The following C4orf50 variants were observed in gnomAD, a reference collection of about 807,000 sequenced individuals.
The protein encoded by C4orf50 is chromosome 4 open reading frame 50.
Under a neutral mutation model 77.2 loss-of-function variants are expected in C4orf50, and 80 were observed. That is an observed-to-expected ratio of 1.04 (90% CI 0.87 to 1.25). The LOEUF (loss-of-function observed/expected upper bound fraction) is 1.25, where lower values mean the gene tolerates loss of function less well. Ranked by LOEUF, C4orf50 falls within the 50% of genes most tolerant of loss-of-function variation. The probability of loss-of-function intolerance (pLI) is 0.00; values close to 1 mark genes in which losing one functional copy is unlikely to be tolerated. For missense variants in C4orf50, 1,257 were observed against 1,152.9 expected (o/e 1.09, Z -1.31); for synonymous variants, 532 against 465.3 (o/e 1.14, Z -1.84).
intron 31 of C4orf50, among the ~76,000 whole-genome samples, chr4:5,968,181 G>T (rs1719695519): frequency 6.6e-6 from 1 of 152,180 alleles, no homozygotes; most frequent in Non-Finnish European, 1.5e-5. Context: ...GTCTGAAAGG[G>T]CTCTGCTCTC....
intron 28 of C4orf50, among the ~76,000 whole-genome samples, chr4:5,980,660 A>G (rs1720533821): frequency 6.6e-6 from 1 of 152,086 alleles, no homozygotes; most frequent in Admixed American, 6.6e-5. Flanking sequence ...GAGTCCCAGA[A>G]TAACAGCCTG....
At chr4:5,925,721 C>T (rs1717485080) in intron 7 of C4orf50, among the ~76,000 whole-genome samples, 1 of 152,220 alleles carries the variant, frequency 6.6e-6, no homozygotes, top group African/African-American at 2.4e-5. Flanking sequence ...TTGGGGGGCC[C>T]ACAGTCTGGT....
intron 25 of C4orf50, among the ~76,000 whole-genome samples, chr4:6,003,611 G>C (rs1419821400): frequency 1.4e-5 from 2 of 147,522 alleles, no homozygotes; most frequent in African/African-American, 2.6e-5. Context: ...TGATGGTGAT[G>C]ATGGTGATGG....
intron 25 of C4orf50, among the ~76,000 whole-genome samples, chr4:5,996,117 A>T (rs1412502512): frequency 6.6e-6 from 1 of 152,028 alleles, no homozygotes; most frequent in East Asian, 1.9e-4. Context: ...CCTTGTTCCC[A>T]CCTCTGCAGC....
intron 31 of C4orf50, among the ~76,000 whole-genome samples, chr4:5,969,808 T>C (rs1719796558): frequency 6.6e-6 from 1 of 152,106 alleles, no homozygotes; most frequent in Admixed American, 6.5e-5. Flanking sequence ...AATCAGGATG[T>C]CATCATCTGC....
intron 7 of C4orf50, among the ~76,000 whole-genome samples, chr4:5,906,783 A>T (rs1157722097): frequency 6.6e-6 from 1 of 152,178 alleles, no homozygotes; most frequent in Non-Finnish European, 1.5e-5. Flanking sequence ...TCCTTCTCAA[A>T]ATGTATTTTT....
At chr4:5,909,325 A>G (rs1310007623) in intron 7 of C4orf50, among the ~76,000 whole-genome samples, 1 of 152,204 alleles carries the variant, frequency 6.6e-6, no homozygotes, top group African/African-American at 2.4e-5. Flanking sequence ...GTTGACCGCA[A>G]CCAGATATTT....
intron 27 of C4orf50, among the ~76,000 whole-genome samples, chr4:5,991,818 C>A (rs1368925402): frequency 6.6e-6 from 1 of 152,176 alleles, no homozygotes; most frequent in Non-Finnish European, 1.5e-5. Flanking sequence ...GCAGAGGGGG[C>A]TTGAAGGCCA....
At chr4:5,988,724 T>A in exon 28 of C4orf50, 1 of 1,536,112 alleles carries the variant, frequency 6.5e-7, no homozygotes. Flanking sequence ...TGATCCGTGC[T>A]CCTCTGCAAG....
rs114531714 is a variant in C4orf50, at chr4:5,931,201, T to C, written c.*2474+25700A>G. Among the ~76,000 whole-genome samples, 256 of 152,210 alleles carry C rather than the reference T, an allele frequency of 1.7e-3. 1 individual carries two copies. The highest frequency in any genetic ancestry group is 6.8e-3 in the Middle Eastern group (2 of 294). On this transcript the variant is annotated intron_variant, in intron 7 of 7. Coordinates refer to the C4orf50 transcript ENST00000324058. ...GCAAAGAGTCCCTGCAGACTCAAAG[T>C]CCAGGCTACTTGGCTGGTGTGTTCC...
chr4:5,969,983 C>T (rs927171122), intron 31 of C4orf50, among the ~76,000 whole-genome samples: 2 of 152,078 alleles, frequency 1.3e-5, no homozygotes, highest in African/African-American at 4.8e-5. Context: ...GTGCTGTGTC[C>T]CAGGTGAGCC....
chr4:6,013,612 GA>G (rs1325812973), intron 23 of C4orf50, among the ~76,000 whole-genome samples: 3 of 152,134 alleles, frequency 2.0e-5, no homozygotes, highest in Non-Finnish European at 4.4e-5. Flanking sequence ...TATGGATCCG[GA>G]TTCACCTGCT....
At chr4:5,928,752 T>G (rs1442497771) in intron 7 of C4orf50, among the ~76,000 whole-genome samples, 1 of 152,240 alleles carries the variant, frequency 6.6e-6, no homozygotes, top group South Asian at 2.1e-4. Flanking sequence ...AACCTCCAAA[T>G]GAACATGTCA....
At chr4:5,987,448 G>A (rs1720936000) in intron 28 of C4orf50, among the ~76,000 whole-genome samples, 2 of 129,122 alleles carry the variant, frequency 1.5e-5, no homozygotes, top group Admixed American at 1.6e-4. Flanking sequence ...ATACAATAAA[G>A]GTCTAAGAAG....
chr4:6,007,492 G>C lies in C4orf50; in HGVS notation c.963+504C>G, dbSNP rs1015718684. Among the ~76,000 whole-genome samples the C allele has an allele frequency of 6.6e-6, 1 of 152,126 alleles. No homozygotes were observed. The highest frequency in any genetic ancestry group is 6.5e-5 in the Admixed American group (1 of 15,276). Reference sequence around the variant, plus strand: ...CCAACACCAAATCTGCTGGTGCCTTGATCTTGGACCTCCAGCCTCCAAAAG... The same window carrying C: ...CCAACACCAAATCTGCTGGTGCCTTCATCTTGGACCTCCAGCCTCCAAAAG... On this transcript the variant is annotated intron_variant, in intron 25 of 33. Transcript: ENST00000531445. This position sits in a 1 kb window ranked among gnomAD's most constrained non-coding sequence, Gnocchi z 4.1.
chr4:5,924,764 G>A (rs567298786), intron 7 of C4orf50, among the ~76,000 whole-genome samples: 1 of 152,326 alleles, frequency 6.6e-6, no homozygotes, highest in East Asian at 1.9e-4. Context: ...ATATGAAGCG[G>A]CTTTATAGAG....
chr4:6,004,176 ATGATGG>A (rs1722062411), intron 25 of C4orf50, among the ~76,000 whole-genome samples: 45 of 101,024 alleles, frequency 4.5e-4, no homozygotes, highest in South Asian at 7.2e-4. Context: ...GATGATGGTG[ATGATGG>A]TGATGGTGAT....
intron 25 of C4orf50, among the ~76,000 whole-genome samples, chr4:6,001,061 C>G (rs746433205): frequency 2.0e-5 from 3 of 152,190 alleles, no homozygotes; most frequent in Non-Finnish European, 4.4e-5. Flanking sequence ...CCAAAGCAAG[C>G]CTCTTGCTAG....
chr4:5,946,279 G>C (rs1272641495), intron 7 of C4orf50, among the ~76,000 whole-genome samples: 1 of 152,106 alleles, frequency 6.6e-6, no homozygotes, highest in Non-Finnish European at 1.5e-5. Context: ...GGCTTGAGGG[G>C]GCCTGGAAAG....
Sources: allele counts gnomAD v4.1 joint callset (sites outside exome capture counted in the v4.1 genomes callset), GRCh38; gene constraint gnomAD v4.1.1; non-coding constraint Gnocchi (gnomAD v3.1); transcripts MANE v1.5; gene names NCBI Gene and HGNC (gene_info 2026-07-23, HGNC 2026-07-21).